The following SSBP3 variants were observed in gnomAD, a reference collection of about 807,000 sequenced individuals.
The protein encoded by SSBP3 is single-stranded DNA-binding protein 3.
SSBP3 carries 5 observed loss-of-function variants against 69.6 expected under a neutral mutation model. The observed-to-expected ratio is 0.07, with a 90% CI of 0.04 to 0.15. The LOEUF is 0.15. SSBP3 is among the 10% of genes least tolerant of loss of function. The pLI is 1.00. For synonymous variants in SSBP3, 196 were observed against 193.4 expected (o/e 1.01, Z -0.11); for missense variants, 312 against 534.0 (o/e 0.58, Z 4.10).
At chr1:54,339,888 C>A (rs895964897) in intron 4 of SSBP3, among the ~76,000 whole-genome samples, 1 of 151,410 alleles carries the variant, frequency 6.6e-6, no homozygotes, top group Non-Finnish European at 1.5e-5. Context: ...CACTCCAGCA[C>A]GGGCAAAAAA....
Position 54,258,031 on chromosome 1 carries a change from C to A in SSBP3, c.447+38G>T, listed in dbSNP as rs1376895199. 2 of 1,553,600 alleles carry A rather than the reference C, an allele frequency of 1.3e-6. No homozygotes were observed. On this transcript the variant is annotated intron_variant, in intron 6 of 17. Transcript: ENST00000610401. The surrounding 1 kb of genome is among the most constrained non-coding windows in gnomAD (Gnocchi z 4.5). ...CGGGCTCTCTGCTTCCTCCGCGCCC[C>A]GCGTCCCCGGCGGGCGGGAGCGCCA...
exon 17 of SSBP3, chr1:54,228,296 C>T: frequency 6.2e-7 from 1 of 1,614,036 alleles, no homozygotes; most frequent in Non-Finnish European, 8.5e-7. Context: ...CCTCCTAGCT[C>T]GCCGTCATCT....
chr1:54,343,701 T>C (rs867919353), intron 4 of SSBP3, among the ~76,000 whole-genome samples: 2 of 152,116 alleles, frequency 1.3e-5, no homozygotes, highest in Non-Finnish European at 2.9e-5. Flanking sequence ...CCCATAAAGG[T>C]TACAAACCAT....
chr1:54,351,954 C>T (rs1389335859), intron 4 of SSBP3, among the ~76,000 whole-genome samples: 1 of 152,196 alleles, frequency 6.6e-6, no homozygotes, highest in Non-Finnish European at 1.5e-5. Flanking sequence ...AGTGTGAACT[C>T]CAGCAAACCA....
chr1:54,406,552 C>G (rs1407107054), upstream of SSBP3: 1 of 151,954 alleles, frequency 6.6e-6, no homozygotes, highest in Non-Finnish European at 1.5e-5. Context: ...GCAGTCCCCG[C>G]TGCGGCCGCC....
chr1:54,379,058 A>C (rs1039805119), intron 4 of SSBP3, among the ~76,000 whole-genome samples: 3 of 151,962 alleles, frequency 2.0e-5, no homozygotes, highest in Non-Finnish European at 2.9e-5. Flanking sequence ...GTTCATAGTC[A>C]GCCAGGTTGC....
chr1:54,395,958 TGAGGCAGTCA>T (rs1648834440), intron 4 of SSBP3, among the ~76,000 whole-genome samples: 1 of 152,032 alleles, frequency 6.6e-6, no homozygotes, highest in Non-Finnish European at 1.5e-5. Context: ...TTTGGGAGGC[TGAGGCAGTCA>T]GATCACAATG....
intron 4 of SSBP3, 88 bp downstream of exon 4, chr1:54,401,773 C>T (rs931799875): frequency 1.7e-5 from 19 of 1,122,816 alleles, no homozygotes; most frequent in African/African-American, 1.4e-4. Context: ...AAGACCACTG[C>T]GAACTGGCTG....
intron 4 of SSBP3, among the ~76,000 whole-genome samples, chr1:54,298,782 A>G (rs536256184): frequency 2.0e-5 from 3 of 152,170 alleles, no homozygotes; most frequent in South Asian, 4.1e-4. Flanking sequence ...CGTCAGCTTC[A>G]AAAACACCAT....
intron 4 of SSBP3, among the ~76,000 whole-genome samples, chr1:54,398,525 T>G (rs1649058884): frequency 6.6e-6 from 1 of 152,182 alleles, no homozygotes; most frequent in Non-Finnish European, 1.5e-5. Flanking sequence ...CCAGGACACC[T>G]CTGGGCACAC....
rs578075029 is a variant in SSBP3, at chr1:54,277,728, C to T, written c.366+3710G>A. 2.0e-5 allele frequency among the ~76,000 whole-genome samples: 3 copies of T among 152,330 alleles called. No homozygotes were observed. The South Asian group carries it at 6.2e-4, about 32-fold the overall frequency. ...TGCTCAGTTCTCTATGACCCCTGCCCTCTTGTGAGTCCCGTTTTGGACTTA... is the reference window on the plus strand; with the variant it reads ...TGCTCAGTTCTCTATGACCCCTGCCTTCTTGTGAGTCCCGTTTTGGACTTA... On this transcript the variant is annotated intron_variant, in intron 5 of 17. Coordinates refer to ENST00000610401, the Ensembl canonical transcript of SSBP3.
chr1:54,247,302 G>A (rs79285506), intron 9 of SSBP3, among the ~76,000 whole-genome samples: 1,553 of 152,346 alleles, frequency 0.01, 21 homozygotes, highest in African/African-American at 0.036. Context: ...TACACACAGT[G>A]CTGTATTTCC....
intron 4 of SSBP3, among the ~76,000 whole-genome samples, chr1:54,329,817 A>G (rs1274604485): frequency 6.6e-6 from 1 of 152,156 alleles, no homozygotes; most frequent in Non-Finnish European, 1.5e-5. Context: ...GGGAGGGGAC[A>G]AGCCTGGTTG....
chr1:54,386,714 A>C (rs1648117688), intron 4 of SSBP3, among the ~76,000 whole-genome samples: 1 of 47,810 alleles, frequency 2.1e-5, no homozygotes, highest in Admixed American at 2.5e-4. Flanking sequence ...TAAGAGATGG[A>C]GTTTCACTAT....
chr1:54,232,714 T>A (rs1055552441), intron 14 of SSBP3, among the ~76,000 whole-genome samples: 7 of 148,580 alleles, frequency 4.7e-5, no homozygotes, highest in African/African-American at 1.7e-4. Flanking sequence ...TGCCTCAGCC[T>A]GCCGAGTGCC....
At chr1:54,408,391 C>T (rs536171558), upstream of SSBP3, among the ~76,000 whole-genome samples, 17 of 152,320 alleles carry the variant, frequency 1.1e-4, 1 homozygote, top group South Asian at 3.1e-3. Flanking sequence ...CATACCCTTG[C>T]CCTGGACTTC....
chr1:54,261,439 A>C (rs1277409126), intron 5 of SSBP3, among the ~76,000 whole-genome samples: 1 of 152,202 alleles, frequency 6.6e-6, no homozygotes, highest in African/African-American at 2.4e-5. Flanking sequence ...AACAATGAAA[A>C]AGGATCTAGA....
intron 1 of SSBP3, chr1:54,412,565 A>AC: frequency 1.3e-5 from 2 of 152,298 alleles, no homozygotes. Flanking sequence ...GTTAGCGTTT[A>AC]ATGATAATAG....
chr1:54,244,613 G>A (rs952504350), intron 9 of SSBP3, among the ~76,000 whole-genome samples: 61 of 152,210 alleles, frequency 4.0e-4, no homozygotes, highest in African/African-American at 1.4e-3. Context: ...GCTCAGGACG[G>A]CCCACTGAGG....
Sources: allele counts gnomAD v4.1 joint callset (sites outside exome capture counted in the v4.1 genomes callset), GRCh38; gene constraint gnomAD v4.1.1; non-coding constraint Gnocchi (gnomAD v3.1); transcripts MANE v1.5; gene names NCBI Gene and HGNC (gene_info 2026-07-23, HGNC 2026-07-21).